TACR3: variants seen among roughly 807,000 people sequenced by gnomAD.
TACR3 encodes neuromedin-K receptor.
Under a neutral mutation model 35.0 loss-of-function variants are expected in TACR3, and 34 were observed. The observed-to-expected ratio is 0.97, with a 90% confidence interval of 0.74 to 1.30. The LOEUF is 1.30. Among genes scored for constraint, TACR3 ranks in the 50% most tolerant of loss-of-function variants. TACR3 has a pLI of 0.00. For synonymous variants in TACR3, 233 were observed against 221.1 expected (o/e 1.05, Z -0.48); for missense variants, 558 against 591.7 (o/e 0.94, Z 0.59).
At chr4:103,716,129 T>C (rs1325414225) in intron 1 of TACR3, among the ~76,000 whole-genome samples, 2 of 152,114 alleles carry the variant, frequency 1.3e-5, no homozygotes, top group Non-Finnish European at 2.9e-5. Flanking sequence ...AGGCAAGTGT[T>C]ACATTTATAT....
chr4:103,597,322 T>C (rs1294341914), intron 3 of TACR3, among the ~76,000 whole-genome samples: 1 of 152,172 alleles, frequency 6.6e-6, no homozygotes, highest in Non-Finnish European at 1.5e-5. Context: ...TATCTCATTG[T>C]GGTTTTGGTT....
In TACR3 at chr4:103,719,638, C is replaced by CCGT; in HGVS notation, c.35_37dup (p.Asp12dup). On this transcript the variant is annotated inframe_insertion, in exon 1 of 5. Coordinates refer to ENST00000304883, the MANE Select transcript of TACR3 (RefSeq NM_001059.3). ...GGCGTCTGCACCCACGCCTCCACCCCCGTCTATCCAGGTTTCTGCTGCTGG... is the reference window on the plus strand; with the variant it reads ...GGCGTCTGCACCCACGCCTCCACCCCCGTCGTCTATCCAGGTTTCTGCTGCTGG... 1 of 1,613,482 alleles carries CCGT rather than the reference C, an allele frequency of 6.2e-7. No homozygotes were observed. The highest frequency in any genetic ancestry group is 1.1e-5 in the South Asian group (1 of 91,072).
chr4:103,601,201 C>T (rs1208595183), intron 3 of TACR3, among the ~76,000 whole-genome samples: 2 of 151,926 alleles, frequency 1.3e-5, no homozygotes, highest in African/African-American at 2.4e-5. Context: ...GATCCCTTTA[C>T]CATTATGTAA....
At chr4:103,627,009 T>C (rs13115643) in intron 3 of TACR3, among the ~76,000 whole-genome samples, 80,383 of 147,006 alleles carry the variant, frequency 0.55, 22,333 homozygotes, top group African/African-American at 0.65. Flanking sequence ...CCCATCTCTG[T>C]GAAAAATAAA....
Position 103,639,723 on chromosome 4 carries a change from A to T in TACR3, c.888+16471T>A, listed in dbSNP as rs1725305226. On this transcript the variant is annotated intron_variant, in intron 3 of 4. Coordinates refer to ENST00000304883, the MANE Select transcript of TACR3 (RefSeq NM_001059.3). Reference sequence around the variant, plus strand: ...CAGAGAGAAAGAACACATTCTCTAGAATCAGACTTTCTGGGTTCAAATCCT... The same window carrying T: ...CAGAGAGAAAGAACACATTCTCTAGTATCAGACTTTCTGGGTTCAAATCCT... 2.0e-5 allele frequency among the ~76,000 whole-genome samples: 3 copies of T among 152,060 alleles called. No homozygotes were observed. The South Asian group carries it at 6.2e-4, about 31-fold the overall frequency.
In TACR3 at chr4:103,614,610, TATA is replaced by T. The variant is rs758466323; in HGVS notation, c.889-22930_889-22928del. On this transcript the variant is annotated intron_variant, in intron 3 of 4. Transcript: ENST00000304883. Reference sequence around the variant, plus strand: ...ATCTAGACTACGTTAGTATATTGGATATAGTAAGAATATTGATGTTCAGAAAGA... The same window carrying T: ...ATCTAGACTACGTTAGTATATTGGATGTAAGAATATTGATGTTCAGAAAGA... Among the ~76,000 whole-genome samples, 224 of 152,240 alleles carry T rather than the reference TATA, an allele frequency of 1.5e-3. 2 individuals carry two copies. The highest frequency in any genetic ancestry group is 0.015 in the East Asian group (76 of 5,174).
chr4:103,711,065 A>G (rs775623019), intron 1 of TACR3, among the ~76,000 whole-genome samples: 1 of 152,178 alleles, frequency 6.6e-6, no homozygotes, highest in Non-Finnish European at 1.5e-5. Context: ...CCAGAGGTAC[A>G]AGGAGGAGCT....
chr4:103,710,253 G>A (rs59238590), intron 1 of TACR3, among the ~76,000 whole-genome samples: 17,796 of 152,122 alleles, frequency 0.12, 1,373 homozygotes, highest in East Asian at 0.37. Context: ...CCACACCGTT[G>A]GAAGTAAAGC....
rs1216954974 is a variant in TACR3 at position 103,589,771 on chromosome 4, T to C, written c.1309A>G (p.Asn437Asp). 6.2e-7 allele frequency: 1 copy of C among 1,613,998 alleles called. No individual in the cohort carries two copies. The highest frequency in any genetic ancestry group is 2.2e-5 in the East Asian group (1 of 44,878). Reference protein sequence around the residue: ...KRATPRDPSFNGCSRRNSKSA... With the variant: ...KRATPRDPSFDGCSRRNSKSA... ...TTGGAATTCCTGCGAGAGCAGCCAT[T>C]GAAACTTGGGTCTCTTGGCGTTGCT... Residue 437 changes from asparagine (N) to aspartate (D), a missense_variant, in exon 5 of 5, where the codon AAT becomes GAT. Asn to Asp is a conservative substitution (Grantham distance 23). Transcript: ENST00000304883.
intron 1 of TACR3, among the ~76,000 whole-genome samples, chr4:103,677,182 T>C (rs1483038287): frequency 1.3e-5 from 2 of 152,188 alleles, no homozygotes; most frequent in Non-Finnish European, 2.9e-5. Context: ...CCAGTCAGAA[T>C]GTCTATTATT....
chr4:103,624,637 T>C (rs1724851605), intron 3 of TACR3: 1 of 151,528 alleles, frequency 6.6e-6, no homozygotes, highest in Non-Finnish European at 1.5e-5. Flanking sequence ...GAAATACAAA[T>C]GAAAATAGTA....
intron 3 of TACR3, among the ~76,000 whole-genome samples, chr4:103,640,962 C>G (rs939608290): frequency 1.3e-5 from 2 of 151,644 alleles, no homozygotes; most frequent in African/African-American, 4.8e-5. Flanking sequence ...AGGCTAAACC[C>G]AAAAAAATAA....
intron 1 of TACR3, among the ~76,000 whole-genome samples, chr4:103,674,802 G>A (rs1726131945): frequency 1.3e-5 from 2 of 152,086 alleles, no homozygotes; most frequent in African/African-American, 2.4e-5. Flanking sequence ...TGCCTGCCTC[G>A]GCCTTCCAAA....
chr4:103,590,072 A>G lies in TACR3; in HGVS notation c.1086-78T>C, dbSNP rs1241658480. 15 of 1,537,396 alleles carry G rather than the reference A, an allele frequency of 9.8e-6. No homozygotes were observed. In the Admixed American group the frequency reaches 2.9e-4, roughly 30 times the overall value. ...TCTTTCAGCTGCCACAGAAAATTCT[A>G]CCTAAGGCAGTTATAACAACTCAGT... is the stretch of plus-strand genomic sequence containing the variant. On this transcript the variant is annotated intron_variant, in intron 4 of 4. Coordinates refer to ENST00000304883, the MANE Select transcript of TACR3 (RefSeq NM_001059.3).
intron 1 of TACR3, among the ~76,000 whole-genome samples, chr4:103,687,638 C>G (rs375937296): frequency 6.6e-6 from 1 of 152,146 alleles, no homozygotes; most frequent in South Asian, 2.1e-4. Flanking sequence ...GAGTGAACTC[C>G]CATTCACAAT....
At position 103,591,579 on chromosome 4, in the gene TACR3, C is replaced by T. The variant is rs1391626331; in HGVS notation, c.993G>A (p.Trp331Ter). The T allele has an allele frequency of 1.9e-6, 3 of 1,613,872 alleles. No individual in the cohort carries two copies. The highest frequency in any genetic ancestry group is 2.2e-5 in the East Asian group (1 of 44,848). The change falls in exon 4 of 5, where the codon TGG becomes TGA. Residue 331 changes from tryptophan (W) to a stop codon, truncating the protein, a stop_gained. Coordinates refer to ENST00000304883, the MANE Select transcript of TACR3 (RefSeq NM_001059.3). LOFTEE classifies it high-confidence loss of function. ...LTAIYQQLNR[W>*]KYIQQVYLAS... ...CCAGGTAGACCTGCTGGATGTATTTCCATCTATTTAGTTGTTGATAGATTG... is the reference window on the plus strand; with the variant it reads ...CCAGGTAGACCTGCTGGATGTATTTTCATCTATTTAGTTGTTGATAGATTG...
At chr4:103,694,926 TTGAC>T (rs1457590588) in intron 1 of TACR3, among the ~76,000 whole-genome samples, 1 of 152,202 alleles carries the variant, frequency 6.6e-6, no homozygotes, top group Non-Finnish European at 1.5e-5. Flanking sequence ...AACAATCAAT[TTGAC>T]TGCAGATTCT....
chr4:103,604,136 A>G (rs1724285889), intron 3 of TACR3, among the ~76,000 whole-genome samples: 1 of 152,240 alleles, frequency 6.6e-6, no homozygotes, highest in Non-Finnish European at 1.5e-5. Context: ...TTGACTTCAA[A>G]TTATACTGCA....
Position 103,719,154 on chromosome 4 carries a change from G to C in TACR3, c.522C>G (p.Tyr174Ter), listed in dbSNP as rs1453625322. The C allele has an allele frequency of 6.2e-7, 1 of 1,614,174 alleles. No individual in the cohort carries two copies. The highest frequency in any genetic ancestry group is 8.5e-7 in the Non-Finnish European group (1 of 1,180,042). Residue 174 changes from tyrosine (Y) to a stop codon, truncating the protein, a stop_gained, in exon 1 of 5, where the codon TAC becomes TAG. Coordinates refer to ENST00000304883, the MANE Select transcript of TACR3 (RefSeq NM_001059.3). LOFTEE classifies it high-confidence loss of function. The part of the protein sequence containing the change: ...FPITAVFASI[Y>*]SMTAIAVDRY... Reference sequence around the variant, plus strand: ...TGTCCACCGCAATGGCCGTCATGGAGTAGATGCTGGCGAACACAGCTGTGA... The same window carrying C: ...TGTCCACCGCAATGGCCGTCATGGACTAGATGCTGGCGAACACAGCTGTGA...
Sources: gnomAD v4.1 joint callset for allele counts (sites outside exome capture counted in the v4.1 genomes callset) on GRCh38, gnomAD v4.1.1 for gene constraint, MANE v1.5 for transcripts, NCBI Gene and HGNC (gene_info 2026-07-23, HGNC 2026-07-21) for gene names.